Variants in CEP126 observed in about 807,000 individuals in gnomAD.
CEP126 encodes the protein centrosomal protein of 126 kDa.
CEP126 carries 74 observed loss-of-function variants against 107.8 expected under a neutral mutation model. The ratio of observed to expected loss-of-function variants is 0.69; its 90% CI spans 0.57 to 0.83. The LOEUF (loss-of-function observed/expected upper bound fraction) is 0.83. CEP126 is among the 40% of genes least tolerant of loss of function. The probability of loss-of-function intolerance (pLI) is 0.00; values close to 1 mark genes in which losing one functional copy is unlikely to be tolerated. For synonymous variants in CEP126, 449 were observed against 446.0 expected (o/e 1.01, Z -0.08); for missense variants, 1,237 against 1,281.9 (o/e 0.96, Z 0.53).
At chr11:101,927,756 TTTA>T (rs1017585726) in intron 2 of CEP126, among the ~76,000 whole-genome samples, 1 of 152,128 alleles carries the variant, frequency 6.6e-6, no homozygotes, top group African/African-American at 2.4e-5. Context: ...TTGCTGAATA[TTTA>T]TTATTATTAT....
chr11:101,969,458 A>G (rs1280412086), intron 6 of CEP126, among the ~76,000 whole-genome samples: 3 of 152,194 alleles, frequency 2.0e-5, no homozygotes, highest in Non-Finnish European at 4.4e-5. Flanking sequence ...GGGGTATGGA[A>G]AAAAAATTAA....
chr11:101,995,639 T>C (rs1213558441), intron 10 of CEP126, among the ~76,000 whole-genome samples: 1 of 152,176 alleles, frequency 6.6e-6, no homozygotes, highest in Non-Finnish European at 1.5e-5. Context: ...AAGTAGTCAG[T>C]CCAAGTACCC....
chr11:101,919,075 G>A (rs562396684), intron 1 of CEP126, among the ~76,000 whole-genome samples: 1 of 152,118 alleles, frequency 6.6e-6, no homozygotes, highest in Non-Finnish European at 1.5e-5. Flanking sequence ...AAGGTGATAG[G>A]GAGCTTTTGG....
At chr11:101,990,536 G>C (rs1003321375) in intron 9 of CEP126, among the ~76,000 whole-genome samples, 4 of 152,068 alleles carry the variant, frequency 2.6e-5, no homozygotes, top group African/African-American at 9.7e-5. Flanking sequence ...AAATTCTCTT[G>C]TACAAAACCT....
At chr11:101,984,395 A>G (rs1941292373) in intron 8 of CEP126, among the ~76,000 whole-genome samples, 1 of 152,224 alleles carries the variant, frequency 6.6e-6, no homozygotes, top group African/African-American at 2.4e-5. Context: ...TGACCTCATT[A>G]CGTAAGCAAA....
chr11:101,976,257 T>C (rs1941190742), intron 6 of CEP126, among the ~76,000 whole-genome samples: 1 of 152,236 alleles, frequency 6.6e-6, no homozygotes, highest in South Asian at 2.1e-4. Flanking sequence ...TTTTGGCTTT[T>C]TAGTAATAGC....
chr11:101,923,145 T>A (rs1218582323), intron 2 of CEP126, among the ~76,000 whole-genome samples: 1 of 152,220 alleles, frequency 6.6e-6, no homozygotes, highest in Non-Finnish European at 1.5e-5. Flanking sequence ...TGTTATTCAC[T>A]TCTATATAAT....
intron 4 of CEP126, chr11:101,956,846 C>T: frequency 2.5e-6 from 1 of 392,892 alleles, no homozygotes; most frequent in Non-Finnish European, 4.9e-6. Flanking sequence ...CCCCTTCAAT[C>T]CTCCTCATTG....
At position 101,992,837 on chromosome 11, in the gene CEP126, C is replaced by T. The variant is rs746345090; in HGVS notation, c.3304C>T (p.Leu1102Phe). The T allele has an allele frequency of 3.9e-6, 6 of 1,532,382 alleles. No individual in the cohort carries two copies. The highest frequency in any genetic ancestry group is 5.2e-6 in the Non-Finnish European group (6 of 1,144,290). 94.9% of individuals were successfully genotyped at this position (1,532,382 alleles called of 1,614,324 possible). ...CAAAAATACTTTACAAATAATACCACTTCTGGTAAGTATTTGAAGAAGCTC... is the reference window on the plus strand; with the variant it reads ...CAAAAATACTTTACAAATAATACCATTTCTGGTAAGTATTTGAAGAAGCTC... Reference protein sequence around the residue: ...SIKNTLQIIPLLEKREDRTSS... With the variant: ...SIKNTLQIIPFLEKREDRTSS... The change falls in exon 10 of 11, where the codon CTT becomes TTT. Residue 1102 changes from leucine to phenylalanine, a missense_variant. Around this residue, in one of 3 missense-constraint regions of CEP126, gnomAD observed 99 missense variants for 114.4 expected, o/e 0.87. Coordinates refer to ENST00000263468, the MANE Select transcript of CEP126 (RefSeq NM_020802.4).
At position 101,945,724 on chromosome 11, in the gene CEP126, C is replaced by T. The variant is rs117585931; in HGVS notation, c.394+1314C>T. Among the ~76,000 whole-genome samples the T allele has an allele frequency of 6.8e-3, 1,039 of 152,184 alleles. 6 individuals carry two copies. Among genetic ancestry groups the T allele is most frequent in the Non-Finnish European group, 0.012 (850 of 68,010 alleles). On this transcript the variant is annotated intron_variant, in intron 3 of 10. Coordinates refer to ENST00000263468, the MANE Select transcript of CEP126 (RefSeq NM_020802.4). ...CAGTTTATACCCTCACTGTCATGGT[C>T]ATATGGTAGCTGCTAGAGCTCAACC...
rs1327111807 is a variant in CEP126 at position 101,944,248 on chromosome 11, T to C, written c.249-17T>C. ...TTACCACCTATTTCTGTTGCCTACT[T>C]TGTGTTTTAAATATAGAGCTTTTGA... is the stretch of plus-strand genomic sequence containing the variant. On this transcript the variant is annotated splice_polypyrimidine_tract_variant and intron_variant, in intron 2 of 10. Coordinates refer to ENST00000263468, the MANE Select transcript of CEP126 (RefSeq NM_020802.4). 1.9e-6 allele frequency: 3 copies of C among 1,545,936 alleles called. No homozygotes were observed. Among genetic ancestry groups the C allele is most frequent in the Non-Finnish European group, 2.6e-6 (3 of 1,154,948 alleles).
chr11:101,927,578 C>A (rs1022291734), intron 2 of CEP126, among the ~76,000 whole-genome samples: 1 of 152,150 alleles, frequency 6.6e-6, no homozygotes, highest in Admixed American at 6.5e-5. Flanking sequence ...AGTCCCACCC[C>A]CTGGAAATCA....
intron 9 of CEP126, among the ~76,000 whole-genome samples, chr11:101,990,383 T>C (rs931752428): frequency 1.3e-5 from 2 of 152,164 alleles, no homozygotes; most frequent in Non-Finnish European, 2.9e-5. Context: ...GCGTACCTTC[T>C]TGATTGCTCT....
chr11:101,944,503 GAAAC>G, intron 3 of CEP126, 93 bp downstream of exon 3: 1 of 1,226,340 alleles, frequency 8.2e-7, no homozygotes, highest in South Asian at 1.6e-5. Context: ...AAATGAAGTG[GAAAC>G]AAACTAAAAA....
At position 101,962,389 on chromosome 11, in the gene CEP126, A is replaced by T. The variant is rs374333724; in HGVS notation, c.1354A>T (p.Ile452Phe). 2.4e-5 allele frequency: 39 copies of T among 1,613,932 alleles called. No individual in the cohort carries two copies. The South Asian group carries it at 3.7e-4, about 15-fold the overall frequency. Reference protein sequence around the residue: ...ELNQENGTTSIPTSCVPVATP... With the variant: ...ELNQENGTTSFPTSCVPVATP... ...AAATCAAGAAAATGGAACTACTTCA[A>T]TTCCTACTTCATGTGTACCAGTGGC... The change falls in exon 6 of 11, where the codon ATT becomes TTT. Residue 452 changes from isoleucine to phenylalanine, a missense_variant. Ile to Phe is a conservative substitution (Grantham distance 21). Around this residue, in one of 3 missense-constraint regions of CEP126, gnomAD observed 1,134 missense variants for 1,150.5 expected, o/e 0.99. Transcript: ENST00000263468.
chr11:101,943,096 T>C (rs979573781), intron 2 of CEP126, among the ~76,000 whole-genome samples: 5 of 152,000 alleles, frequency 3.3e-5, no homozygotes, highest in Non-Finnish European at 5.9e-5. Context: ...CTTTTTTTTT[T>C]CTTGCCTATT....
chr11:101,951,936 A>T (rs1260843773), intron 4 of CEP126, among the ~76,000 whole-genome samples: 2 of 152,186 alleles, frequency 1.3e-5, no homozygotes, highest in African/African-American at 4.8e-5. Flanking sequence ...ATTCTAAAGG[A>T]CAGTGTCTCA....
chr11:101,995,010 G>A (rs865978764), intron 10 of CEP126, among the ~76,000 whole-genome samples: 1 of 151,946 alleles, frequency 6.6e-6, no homozygotes, highest in Middle Eastern at 3.4e-3. Context: ...TTCCCCTAAT[G>A]CTATCTCTCC....
chr11:101,992,765 A>G lies in CEP126; in HGVS notation c.3245-13A>G, dbSNP rs1275027677. ...AACTAAATTATTTTGGTATTGTGAT[A>G]TAATTATTTCAGATATACAAGAATC... On this transcript the variant is annotated splice_polypyrimidine_tract_variant and intron_variant, in intron 9 of 10. Coordinates refer to ENST00000263468, the MANE Select transcript of CEP126 (RefSeq NM_020802.4). 7 of 1,344,132 alleles carry G rather than the reference A, an allele frequency of 5.2e-6. 1 individual carries two copies. The East Asian group carries it at 7.5e-5, about 14-fold the overall frequency. 83.3% of individuals were successfully genotyped at this position (1,344,132 alleles called of 1,614,324 possible).
Sources: gnomAD v4.1 joint callset for allele counts (sites outside exome capture counted in the v4.1 genomes callset) on GRCh38, gnomAD v4.1.1 for gene constraint, gnomAD v4.1.1 regional missense constraint, MANE v1.5 for transcripts, NCBI Gene and HGNC (gene_info 2026-07-23, HGNC 2026-07-21) for gene names.